BOP1: variants seen among roughly 807,000 people sequenced by gnomAD.
The protein encoded by BOP1 is ribosome biogenesis protein BOP1.
A neutral mutation model predicts 82.9 loss-of-function variants in BOP1; 54 were observed. That is an observed-to-expected ratio of 0.65 (90% confidence interval 0.52 to 0.82). The LOEUF (loss-of-function observed/expected upper bound fraction) is 0.82. Among genes scored for constraint, BOP1 ranks in the 40% least tolerant of loss-of-function variants. BOP1 has a pLI of 0.00. For synonymous variants in BOP1, 566 were observed against 451.1 expected (o/e 1.25, Z -3.23); for missense variants, 1,170 against 1,072.0 (o/e 1.09, Z -1.28).
At chr8:144,266,792 G>A in intron 3 of BOP1, 14 of 1,119,376 alleles carry the variant, frequency 1.3e-5, no homozygotes, top group Non-Finnish European at 1.5e-5. Context: ...GGGGGCCGGC[G>A]GGCCGGGGGC....
intron 3 of BOP1, among the ~76,000 whole-genome samples, chr8:144,272,583 C>T: frequency 6.6e-6 from 1 of 152,302 alleles, no homozygotes; most frequent in South Asian, 2.1e-4. Flanking sequence ...CCCCGCTGCC[C>T]ACCCGGGTTC....
At chr8:144,284,906 G>A (rs1004042728) in intron 2 of BOP1, among the ~76,000 whole-genome samples, 1 of 152,192 alleles carries the variant, frequency 6.6e-6, no homozygotes, top group Non-Finnish European at 1.5e-5. Flanking sequence ...AGGCAGGTCC[G>A]GAGCCCTTGG....
At chr8:144,269,941 C>T (rs1845465000) in intron 3 of BOP1, among the ~76,000 whole-genome samples, 1 of 152,194 alleles carries the variant, frequency 6.6e-6, no homozygotes, top group South Asian at 2.1e-4. Context: ...CACGCCAGCC[C>T]TCCCTCCACT....
chr8:144,265,514 CTG>C (rs1281351786), intron 3 of BOP1: 1 of 200,164 alleles, frequency 5.0e-6, no homozygotes, highest in Non-Finnish European at 1.0e-5. Flanking sequence ...CAAGACCTCT[CTG>C]TGGGGGACCC....
At chr8:144,272,640 C>T (rs1845509097) in intron 3 of BOP1, among the ~76,000 whole-genome samples, 1 of 152,034 alleles carries the variant, frequency 6.6e-6, no homozygotes, top group African/African-American at 2.4e-5. Context: ...AGGCCAGGGC[C>T]CCCACCACCC....
In BOP1 at chr8:144,264,056, GGCAGGCACGGCCC is replaced by G; in HGVS notation, c.1052_1064del (p.Arg351ProfsTer25). 6.2e-7 allele frequency: 1 copy of G among 1,610,184 alleles called. No individual in the cohort carries two copies. The highest frequency in any genetic ancestry group is 8.5e-7 in the Non-Finnish European group (1 of 1,179,756). ...AGCGTTCCTGGATGAAGCGTCCGTA[GGCAGGCACGGCCC>G]GCAGGCTCGGGAACTTGCGTGGCAA... is the stretch of plus-strand genomic sequence containing the variant. On this transcript the variant is annotated frameshift_variant, in exon 8 of 16. Coordinates refer to ENST00000569669, the MANE Select transcript of BOP1 (RefSeq NM_015201.5). LOFTEE classifies it high-confidence loss of function.
intron 3 of BOP1, among the ~76,000 whole-genome samples, chr8:144,269,317 G>A (rs1425995575): frequency 1.3e-5 from 2 of 152,262 alleles, no homozygotes; most frequent in African/African-American, 4.8e-5. Context: ...CCGGCTGGGT[G>A]GACAATGGCT....
In BOP1 at chr8:144,264,563, G is replaced by GC; in HGVS notation, c.716dup (p.Ala241GlyfsTer42). 2 of 1,609,906 alleles carry GC rather than the reference G, an allele frequency of 1.2e-6. No individual in the cohort carries two copies. The highest frequency in any genetic ancestry group is 1.7e-6 in the Non-Finnish European group (2 of 1,178,754). On this transcript the variant is annotated frameshift_variant, in exon 6 of 16. Coordinates refer to ENST00000569669, the MANE Select transcript of BOP1 (RefSeq NM_015201.5). LOFTEE classifies it high-confidence loss of function. The stretch of plus-strand genomic sequence containing the variant: ...GGATGAAGCTGCGCTTGTCGGCCGG[G>GC]CGGTTGGTCACCGGGTGGATCATGA...
Position 144,264,259 on chromosome 8 carries a change from T to G in BOP1, c.944A>C (p.Asn315Thr). The G allele has an allele frequency of 1.2e-6, 2 of 1,610,622 alleles. No individual in the cohort carries two copies. The highest frequency in any genetic ancestry group is 8.5e-7 in the Non-Finnish European group (1 of 1,179,380). Reference protein sequence around the residue: ...LALPGHAESYNPPPEYLLSEE... With the variant: ...LALPGHAESYTPPPEYLLSEE... ...GCTGAGCAGGTATTCAGGGGGTGGG[T>G]TGTACGACTCGGCGTGGCCTGGCAG... The change falls in exon 7 of 16, where the codon AAC (asparagine) becomes ACC (threonine). Residue 315 changes from asparagine (N) to threonine (T), a missense_variant. By Grantham distance (65) the Asn-to-Thr change is moderately conservative (BLOSUM62 0). Transcript: ENST00000569669.
intron 3 of BOP1, among the ~76,000 whole-genome samples, chr8:144,270,774 T>C (rs1464498043): frequency 6.6e-6 from 1 of 151,686 alleles, no homozygotes; most frequent in Non-Finnish European, 1.5e-5. Context: ...CTTCCCAGAG[T>C]GCTGGCCTCA....
intron 3 of BOP1, chr8:144,268,423 TATG>T (rs1845431390): frequency 1.7e-6 from 1 of 572,190 alleles, no homozygotes; most frequent in Non-Finnish European, 3.1e-6. Flanking sequence ...GTGTTTTTGA[TATG>T]ATAATATAAA....
In BOP1 at chr8:144,262,212, C is replaced by T. The variant is rs900882409; in HGVS notation, c.2193G>A (p.Pro731=). ...CGTCTGCCCCCGAGGAGAAGACCCA[C>T]GGCTGGGTGGGGTGGAAGATGACGT... ...VLDVIFHPTQ[P]WVFSSGADGT... is the part of the protein sequence containing the mutation. Residue 731 remains proline (P), a synonymous_variant, in exon 16 of 16, where the codon CCG becomes CCA. Transcript: ENST00000569669. 11 of 1,612,564 alleles carry T rather than the reference C, an allele frequency of 6.8e-6. No homozygotes were observed. The highest frequency in any genetic ancestry group is 4.0e-5 in the African/African-American group (3 of 74,864).
intron 3 of BOP1, among the ~76,000 whole-genome samples, chr8:144,269,266 G>A (rs1215325978): frequency 6.6e-6 from 1 of 152,240 alleles, no homozygotes; most frequent in African/African-American, 2.4e-5. Flanking sequence ...GGTGCTGTGT[G>A]GACCACCTCC....
At chr8:144,262,372 G>A (rs1404736375) in intron 15 of BOP1, 24 bp downstream of exon 15, 4 of 1,612,530 alleles carry the variant, frequency 2.5e-6, no homozygotes, top group African/African-American at 1.3e-5. Context: ...CCTGGGGAGG[G>A]GGCCAGGCAG....
At chr8:144,271,386 C>T (rs1471082100) in intron 3 of BOP1, among the ~76,000 whole-genome samples, 16 of 152,190 alleles carry the variant, frequency 1.1e-4, no homozygotes, top group Middle Eastern at 3.4e-3. Context: ...CTCCTCGTTC[C>T]GCCTCTCCCA....
chr8:144,276,154 C>T, intron 3 of BOP1, 70 bp downstream of exon 3: 6 of 1,574,184 alleles, frequency 3.8e-6, no homozygotes, highest in Non-Finnish European at 4.4e-6. Flanking sequence ...CCAGCCCCAA[C>T]CCCCAGCACC....
In BOP1 at chr8:144,264,900, A is replaced by G; in HGVS notation, c.545+17T>C. The G allele has an allele frequency of 7.1e-7, 1 of 1,403,294 alleles. No homozygotes were observed. Among genetic ancestry groups the G allele is most frequent in the Non-Finnish European group, 9.5e-7 (1 of 1,047,652 alleles). 86.9% of individuals were successfully genotyped at this position (1,403,294 alleles called of 1,614,324 possible). A position where few individuals can be genotyped will look rare whatever the true frequency, so the allele number is the denominator to read the frequency against. On this transcript the variant is annotated intron_variant, in intron 4 of 15. Coordinates refer to ENST00000569669, the MANE Select transcript of BOP1 (RefSeq NM_015201.5). ...CGGGCCCACCCCGGCTGCTGGCCCC[A>G]CCCCACCAGCCCTCACCAGTAGTCA...
intron 2 of BOP1, among the ~76,000 whole-genome samples, chr8:144,283,075 G>GT (rs1814760710): frequency 6.6e-6 from 1 of 151,454 alleles, no homozygotes; most frequent in African/African-American, 2.4e-5. Flanking sequence ...GCTGGCATCT[G>GT]TAATCCCAGC....
In BOP1 at chr8:144,262,599, G is replaced by A. The variant is rs1401057099; in HGVS notation, c.1968C>T (p.Tyr656=). ...CCAGCTTTCCTCACCTCAGCATCCTGTATGGCTTGGTGGAAAGATCCAGGT... is the reference window on the plus strand; with the variant it reads ...CCAGCTTTCCTCACCTCAGCATCCTATATGGCTTGGTGGAAAGATCCAGGT... The part of the protein sequence containing the change: ...WFDLDLSTKP[Y]RMLRHHKKAL... Residue 656 remains tyrosine, a synonymous_variant, in exon 14 of 16, where the codon TAC becomes TAT. Coordinates refer to ENST00000569669, the MANE Select transcript of BOP1 (RefSeq NM_015201.5). The A allele has an allele frequency of 6.8e-6, 11 of 1,613,324 alleles. No individual in the cohort carries two copies. The highest frequency in any genetic ancestry group is 1.6e-4 in the Middle Eastern group (1 of 6,076).
Sources: allele counts gnomAD v4.1 joint callset (sites outside exome capture counted in the v4.1 genomes callset), GRCh38; gene constraint gnomAD v4.1.1; transcripts MANE v1.5; gene names NCBI Gene and HGNC (gene_info 2026-07-23, HGNC 2026-07-21).